Variants in MTIF3 observed in about 807,000 individuals in gnomAD.
The protein encoded by MTIF3 is translation initiation factor IF-3, mitochondrial.
Under a neutral mutation model 20.7 loss-of-function variants are expected in MTIF3, and 13 were observed. The observed-to-expected ratio is 0.63, with a 90% CI of 0.41 to 1.00. The LOEUF is 1.00. Among genes scored for constraint, MTIF3 ranks in the 50% least tolerant of loss-of-function variants. MTIF3 has a pLI of 0.00. For synonymous variants in MTIF3, 114 were observed against 112.5 expected (o/e 1.01, Z -0.08); for missense variants, 295 against 324.5 (o/e 0.91, Z 0.70).
At chr13:27,450,005 A>T (rs993880662) in intron 1 of MTIF3, 2 of 152,314 alleles carry the variant, frequency 1.3e-5, no homozygotes, top group Non-Finnish European at 2.9e-5. Context: ...CAGCAAGAAC[A>T]ACGCATTTGT....
intron 3 of MTIF3, among the ~76,000 whole-genome samples, chr13:27,437,758 C>T (rs74745518): frequency 0.018 from 2,680 of 152,150 alleles, 73 homozygotes; most frequent in African/African-American, 0.06. Flanking sequence ...GAGAAGGAAC[C>T]GGCCACTCAA....
intron 3 of MTIF3, among the ~76,000 whole-genome samples, chr13:27,439,368 C>T (rs1263136561): frequency 2.0e-5 from 3 of 152,132 alleles, no homozygotes; most frequent in South Asian, 2.1e-4. Context: ...TGGTGGCGGG[C>T]GCCTGTAATC....
At chr13:27,436,987 G>A (rs1448402405) in intron 4 of MTIF3, 129 bp downstream of exon 4, 19 of 837,242 alleles carry the variant, frequency 2.3e-5, no homozygotes, top group East Asian at 1.6e-4. Flanking sequence ...TCCTGATCTC[G>A]TGATCCGCCC....
intron 1 of MTIF3, among the ~76,000 whole-genome samples, chr13:27,446,593 A>G (rs1426844053): frequency 6.6e-6 from 1 of 152,254 alleles, no homozygotes; most frequent in Admixed American, 6.5e-5. Context: ...GGTAATGCCA[A>G]TGTAACTATT....
At position 27,440,194 on chromosome 13, in the gene MTIF3, T is replaced by A. The variant is rs1287026558; in HGVS notation, c.255A>T (p.Arg85=). Residue 85 remains arginine (R), a synonymous_variant, in exon 3 of 5, where the codon CGA becomes CGT. Coordinates refer to ENST00000381120, the MANE Select transcript of MTIF3 (RefSeq NM_152912.5). ...CCTTCTCATCAAATAAGTGAATAAC[T>A]CGCTGACTAATTTTTCTTCCAACGT... The part of the protein sequence containing the change: ...FSNVGRKISQ[R]VIHLFDEKGN... 1 of 1,614,248 alleles carries A rather than the reference T, an allele frequency of 6.2e-7. No homozygotes were observed. Among genetic ancestry groups the A allele is most frequent in the Non-Finnish European group, 8.5e-7 (1 of 1,180,050 alleles).
At position 27,437,107 on chromosome 13, in the gene MTIF3, T is replaced by C. The variant is rs777893177; in HGVS notation, c.618+9A>G. 1.9e-5 allele frequency: 30 copies of C among 1,612,802 alleles called. No individual in the cohort carries two copies. Among genetic ancestry groups the C allele is most frequent in the Middle Eastern group, 1.6e-4 (1 of 6,076 alleles). On this transcript the variant is annotated intron_variant, in intron 4 of 4. Transcript: ENST00000381120. ...AGCACAAGCAGTGGCTTGTACCTTC[T>C]TTACTTACCATTTCATTTTCTGACA...
At chr13:27,439,832 T>A (rs963742849) in intron 3 of MTIF3, among the ~76,000 whole-genome samples, 157 bp downstream of exon 3, 1 of 152,198 alleles carries the variant, frequency 6.6e-6, no homozygotes. Flanking sequence ...AAGTGCAGGA[T>A]AAAGGAGGAA....
chr13:27,441,500 G>A (rs1334160067), intron 2 of MTIF3, among the ~76,000 whole-genome samples: 1 of 152,198 alleles, frequency 6.6e-6, no homozygotes, highest in East Asian at 1.9e-4. Context: ...TCATTCTCAA[G>A]GTAAGGCAGG....
chr13:27,437,042 C>T lies in MTIF3; in HGVS notation c.618+74G>A, dbSNP rs369209181. 113 of 1,510,846 alleles carry T rather than the reference C, an allele frequency of 7.5e-5. 2 individuals carry two copies. The South Asian group carries it at 8.3e-4, about 11-fold the overall frequency. 93.6% of individuals were successfully genotyped at this position (1,510,846 alleles called of 1,614,324 possible). On this transcript the variant is annotated intron_variant, in intron 4 of 4. Transcript: ENST00000381120. ...CTGGGATTACAGGCGTGAGCCACCG[C>T]GCCTGGCCTACAATTGTATTTTTAG...
chr13:27,448,928 C>A (rs543979585), intron 1 of MTIF3, among the ~76,000 whole-genome samples: 21 of 152,106 alleles, frequency 1.4e-4, no homozygotes, highest in Non-Finnish European at 2.9e-4. Flanking sequence ...GTATTCCCAG[C>A]TACTTGGGAG....
intron 3 of MTIF3, among the ~76,000 whole-genome samples, chr13:27,438,102 T>C (rs1164891463): frequency 6.6e-6 from 1 of 151,278 alleles, no homozygotes; most frequent in African/African-American, 2.4e-5. Context: ...AAATGACAAA[T>C]GAGGGAGGAG....
chr13:27,447,636 C>A lies in MTIF3; in HGVS notation c.-70-2480G>T, dbSNP rs1451622793. Among the ~76,000 whole-genome samples, 5 of 152,176 alleles carry A rather than the reference C, an allele frequency of 3.3e-5. No homozygotes were observed. The South Asian group carries it at 6.2e-4, about 19-fold the overall frequency. On this transcript the variant is annotated intron_variant, in intron 1 of 4. Transcript: ENST00000381120. ...ATACCTTTGTAACCAAAACTCCTAT[C>A]GACAGAACATCACCATTATCCCAGG...
rs193261850 is a variant in MTIF3 at position 27,439,959 on chromosome 13, G to T, written c.460+30C>A. ...AACTGCTGATTTGTAGCTCTTAAAGGATTCAGGGAGCCAACAGCAAAATAC... is the reference window on the plus strand; with the variant it reads ...AACTGCTGATTTGTAGCTCTTAAAGTATTCAGGGAGCCAACAGCAAAATAC... On this transcript the variant is annotated intron_variant, in intron 3 of 4. Coordinates refer to ENST00000381120, the MANE Select transcript of MTIF3 (RefSeq NM_152912.5). The T allele has an allele frequency of 4.3e-3, 6,907 of 1,590,112 alleles. 25 individuals carry two copies. The highest frequency in any genetic ancestry group is 5.2e-3 in the Non-Finnish European group (6,050 of 1,159,522).
At chr13:27,443,210 G>A (rs1954061140) in intron 2 of MTIF3, among the ~76,000 whole-genome samples, 1 of 152,216 alleles carries the variant, frequency 6.6e-6, no homozygotes, top group Admixed American at 6.5e-5. Context: ...TACCCAGCTG[G>A]TGGCTCCAGC....
rs561509447 is a variant in MTIF3 at position 27,448,698 on chromosome 13, T to C, written c.-71+1811A>G. On this transcript the variant is annotated intron_variant, in intron 1 of 4. Coordinates refer to ENST00000381120, the MANE Select transcript of MTIF3 (RefSeq NM_152912.5). ...CTATTAAATTGAAATAATAACCATA[T>C]GTTTTAAAAAGCTTTTAAACCCAGA... Among the ~76,000 whole-genome samples the C allele has an allele frequency of 4.6e-5, 7 of 152,356 alleles. No homozygotes were observed. The South Asian group carries it at 8.3e-4, about 18-fold the overall frequency.
Position 27,439,996 on chromosome 13 carries a change from G to A in MTIF3, c.453C>T (p.Pro151=). 1 of 1,612,960 alleles carries A rather than the reference G, an allele frequency of 6.2e-7. No individual in the cohort carries two copies. The highest frequency in any genetic ancestry group is 8.5e-7 in the Non-Finnish European group (1 of 1,179,000). ...QRLREMEKAN[P]KTGPTLRKEL... ...CAACAGCAAAATACCTACCAGTTTTGGGGTTCGCCTTCTCCATCTCCCTCA... is the reference window on the plus strand; with the variant it reads ...CAACAGCAAAATACCTACCAGTTTTAGGGTTCGCCTTCTCCATCTCCCTCA... The change falls in exon 3 of 5, where the codon CCC becomes CCT. Residue 151 remains proline (P), a synonymous_variant. Transcript: ENST00000381120.
At position 27,440,248 on chromosome 13, in the gene MTIF3, C is replaced by T. The variant is rs1397153072; in HGVS notation, c.201G>A (p.Lys67=). ...TAEDTQNEGK[K]TKKNKTAFSN... is the part of the protein sequence containing the mutation. ...TAAAAGCTGTTTTATTCTTTTTTGT[C>T]TTTTTTCCTTCATTCTGGGTGTCTT... The change falls in exon 3 of 5, where the codon AAG becomes AAA. Residue 67 remains lysine, a synonymous_variant. Transcript: ENST00000381120. 1.2e-6 allele frequency: 2 copies of T among 1,613,946 alleles called. No homozygotes were observed. The highest frequency in any genetic ancestry group is 1.1e-5 in the South Asian group (1 of 91,072).
chr13:27,443,477 T>C (rs985199467), intron 2 of MTIF3, among the ~76,000 whole-genome samples: 9 of 152,218 alleles, frequency 5.9e-5, no homozygotes, highest in Non-Finnish European at 1.3e-4. Flanking sequence ...AAACTTTATG[T>C]CTAAAATCAG....
intron 3 of MTIF3, among the ~76,000 whole-genome samples, chr13:27,438,281 A>G (rs1191830982): frequency 7.8e-6 from 1 of 128,202 alleles, no homozygotes; most frequent in Non-Finnish European, 1.6e-5. Context: ...GGAGCTCAGG[A>G]GTTCAAGACC....
Sources: gnomAD v4.1 joint callset for allele counts (sites outside exome capture counted in the v4.1 genomes callset) on GRCh38, gnomAD v4.1.1 for gene constraint, MANE v1.5 for transcripts, NCBI Gene and HGNC (gene_info 2026-07-23, HGNC 2026-07-21) for gene names.